Variants in CUL5 observed in about 807,000 individuals in gnomAD.
CUL5 encodes the protein cullin 5, also known as cullin-5.
Under a neutral mutation model 108.8 loss-of-function variants are expected in CUL5, and 26 were observed. That is an observed-to-expected ratio of 0.24 (90% CI 0.18 to 0.33). The LOEUF (loss-of-function observed/expected upper bound fraction) is 0.33. Ranked by LOEUF, CUL5 falls within the 10% of genes least tolerant of loss-of-function variation. CUL5 has a pLI of 1.00. For synonymous variants in CUL5, 334 were observed against 298.0 expected, an observed-to-expected ratio of 1.12 and a Z score of -1.25; for missense variants, 524 against 909.2, an observed-to-expected ratio of 0.58 and a Z score of 5.45.
intron 4 of CUL5, among the ~76,000 whole-genome samples, chr11:108,051,272 C>CT (rs915699406): frequency 2.6e-5 from 4 of 152,130 alleles, no homozygotes; most frequent in Non-Finnish European, 5.9e-5. Flanking sequence ...ATCTTGTCCT[C>CT]TTTTTTTGGC....
chr11:108,040,749 A>G (rs1862881512), intron 2 of CUL5, among the ~76,000 whole-genome samples: 1 of 152,076 alleles, frequency 6.6e-6, no homozygotes, highest in Non-Finnish European at 1.5e-5. Flanking sequence ...ACTGCACTCC[A>G]GGCAGGGTGA....
chr11:108,022,759 T>C (rs1332507202), intron 1 of CUL5, among the ~76,000 whole-genome samples: 4 of 152,206 alleles, frequency 2.6e-5, no homozygotes, highest in Non-Finnish European at 4.4e-5. Context: ...ATATAAATTT[T>C]TTAACTTTCT....
At chr11:108,067,074 C>T (rs1038107005) in intron 7 of CUL5, among the ~76,000 whole-genome samples, 1 of 152,170 alleles carries the variant, frequency 6.6e-6, no homozygotes, top group African/African-American at 2.4e-5. Flanking sequence ...AATTATAACT[C>T]AAGACCTTAT....
rs146623327 is a variant in CUL5 at position 108,089,605 on chromosome 11, C to T, written c.1425C>T (p.Asn475=). The T allele has an allele frequency of 1.8e-5, 27 of 1,537,286 alleles. No homozygotes were observed. In the Middle Eastern group the frequency reaches 5.3e-4, roughly 30 times the overall value. The change falls in exon 13 of 19, where the codon AAC becomes AAT. Residue 475 remains asparagine (N), a synonymous_variant. Transcript: ENST00000393094. The part of the protein sequence containing the change: ...DISADSEIEE[N]MVEWLREVGM... The stretch of plus-strand genomic sequence containing the variant: ...CTGCCGATAGTGAAATTGAAGAAAA[C>T]ATGGTAGAGTGGCTAAGAGTAAGTA...
intron 7 of CUL5, among the ~76,000 whole-genome samples, chr11:108,062,704 C>T (rs1177771138): frequency 6.6e-6 from 1 of 151,974 alleles, no homozygotes; most frequent in Non-Finnish European, 1.5e-5. Context: ...TCAATCACCT[C>T]AGGCATTTAT....
At chr11:108,051,331 C>T (rs987830125) in intron 4 of CUL5, among the ~76,000 whole-genome samples, 7 of 152,108 alleles carry the variant, frequency 4.6e-5, no homozygotes, top group African/African-American at 1.4e-4. Flanking sequence ...TTAAGTGTAT[C>T]AATTCTGGGG....
intron 1 of CUL5, among the ~76,000 whole-genome samples, chr11:108,022,013 G>A (rs73555373): frequency 0.02 from 3,002 of 151,454 alleles, 115 homozygotes; most frequent in African/African-American, 0.068. Context: ...TCTATCCATC[G>A]ATCCATCCAT....
chr11:108,049,808 A>C (rs1425700411), intron 3 of CUL5, 82 bp from the exon 4 acceptor site: 7 of 1,066,760 alleles, frequency 6.6e-6, no homozygotes, highest in Non-Finnish European at 9.6e-6. Context: ...AATTATGTAC[A>C]ATTTAAATTT....
At chr11:108,045,379 G>A (rs112176671) in intron 2 of CUL5, among the ~76,000 whole-genome samples, 2,457 of 152,176 alleles carry the variant, frequency 0.016, 29 homozygotes, top group Admixed American at 0.028. Context: ...ATTGCTTGAG[G>A]ATTTGAGTTC....
At chr11:108,029,006 G>A (rs1363543162) in intron 1 of CUL5, among the ~76,000 whole-genome samples, 3 of 152,090 alleles carry the variant, frequency 2.0e-5, no homozygotes, top group Non-Finnish European at 4.4e-5. Context: ...TCTCCACTTT[G>A]TTTACTTTGC....
At position 108,027,095 on chromosome 11, in the gene CUL5, G is replaced by C. The variant is rs909542628; in HGVS notation, c.25-6707G>C. On this transcript the variant is annotated intron_variant, in intron 1 of 18. Coordinates refer to ENST00000393094, the MANE Select transcript of CUL5 (RefSeq NM_003478.6). ...CAGGAAAAATTGTGAAGGGTTGTCT[G>C]TACTCTTTCTAGTTTTCTTCTTATT... 2.0e-5 allele frequency among the ~76,000 whole-genome samples: 3 copies of C among 151,328 alleles called. No individual in the cohort carries two copies. In the South Asian group the frequency reaches 6.2e-4, roughly 31 times the overall value.
chr11:108,058,481 T>A (rs1026995548), intron 7 of CUL5, among the ~76,000 whole-genome samples: 2 of 151,476 alleles, frequency 1.3e-5, no homozygotes, highest in Non-Finnish European at 2.9e-5. Flanking sequence ...ATCTCCTGAC[T>A]TCGTGATCTG....
At chr11:108,102,453 C>T (rs1272139153) in intron 18 of CUL5, among the ~76,000 whole-genome samples, 3 of 152,090 alleles carry the variant, frequency 2.0e-5, no homozygotes, top group South Asian at 4.2e-4. Context: ...CAGCCCCCTG[C>T]GTAGCTGGGA....
At chr11:108,060,755 T>C (rs1565252040) in intron 7 of CUL5, among the ~76,000 whole-genome samples, 1 of 152,020 alleles carries the variant, frequency 6.6e-6, no homozygotes, top group Non-Finnish European at 1.5e-5. Flanking sequence ...GAGAATCGCT[T>C]GAACCCGGGA....
In CUL5 at chr11:108,049,958, T is replaced by C. The variant is rs751197386; in HGVS notation, c.303T>C (p.Phe101=). ...ATATTGTTGAATGGCGAAAGTTCTT[T>C]ACACAATGTGATATTTTACCAAAAC... ...KAYIVEWRKF[F]TQCDILPKPF... Residue 101 remains phenylalanine, a synonymous_variant, in exon 4 of 19, where the codon TTT becomes TTC. Coordinates refer to ENST00000393094, the MANE Select transcript of CUL5 (RefSeq NM_003478.6). 1.9e-6 allele frequency: 3 copies of C among 1,613,724 alleles called. No homozygotes were observed. The highest frequency in any genetic ancestry group is 1.1e-5 in the South Asian group (1 of 91,070).
intron 7 of CUL5, among the ~76,000 whole-genome samples, chr11:108,062,564 ATTTAT>A (rs1353304942): frequency 6.7e-6 from 1 of 148,708 alleles, no homozygotes; most frequent in Admixed American, 6.7e-5. Flanking sequence ...ATAATTAAAT[ATTTAT>A]TTTATAAATA....
chr11:108,072,681 C>T (rs1863854936), intron 9 of CUL5, among the ~76,000 whole-genome samples: 1 of 151,858 alleles, frequency 6.6e-6, no homozygotes, highest in Non-Finnish European at 1.5e-5. Context: ...GTGTATATTT[C>T]AAGATAGAAG....
intron 11 of CUL5, among the ~76,000 whole-genome samples, chr11:108,079,471 T>C (rs190948045): frequency 3.9e-5 from 6 of 152,372 alleles, no homozygotes; most frequent in Admixed American, 3.9e-4. Flanking sequence ...CTTTATCAAA[T>C]ATGTTATCTC....
chr11:108,086,014 T>C (rs1864213814), intron 11 of CUL5, among the ~76,000 whole-genome samples: 1 of 152,190 alleles, frequency 6.6e-6, no homozygotes. Context: ...GAAGATATAA[T>C]ACATATTAAT....
Sources: gnomAD v4.1 joint callset for allele counts (sites outside exome capture counted in the v4.1 genomes callset) on GRCh38, gnomAD v4.1.1 for gene constraint, MANE v1.5 for transcripts, NCBI Gene and HGNC (gene_info 2026-07-23, HGNC 2026-07-21) for gene names.